The following MRPL22 variants were observed in gnomAD, a reference collection of about 807,000 sequenced individuals.
The protein encoded by MRPL22 is large ribosomal subunit protein uL22m.
MRPL22 carries 27 observed loss-of-function variants against 32.4 expected under a neutral mutation model. The ratio of observed to expected loss-of-function variants is 0.83; its 90% CI spans 0.61 to 1.15. MRPL22 has a LOEUF of 1.15. Ranked by LOEUF, MRPL22 falls within the 50% of genes most tolerant of loss-of-function variation. The pLI is 0.00. For synonymous variants in MRPL22, 86 were observed against 87.3 expected (o/e 0.99, Z 0.08); for missense variants, 239 against 260.2 (o/e 0.92, Z 0.56).
At chr5:154,962,688 A>C (rs780155797) in intron 6 of MRPL22, among the ~76,000 whole-genome samples, 15 of 152,286 alleles carry the variant, frequency 9.8e-5, no homozygotes, top group African/African-American at 1.4e-4. Context: ...TCAAACTTAT[A>C]GTGATGACTA....
Position 154,957,226 on chromosome 5 carries a change from T to G in MRPL22, c.339+14T>G, listed in dbSNP as rs200389599. On this transcript the variant is annotated intron_variant, in intron 5 of 6. Transcript: ENST00000523037. ...ATAATTAAAGAGGTAAACTTACAAG[T>G]TTGGGTGTGGTAGGGAATGGGGAAC... is the stretch of plus-strand genomic sequence containing the variant. The G allele has an allele frequency of 2.6e-5, 42 of 1,605,000 alleles. No homozygotes were observed. The African/African-American group carries it at 5.3e-4, about 20-fold the overall frequency.
intron 5 of MRPL22, 146 bp downstream of exon 5, chr5:154,957,358 C>G: frequency 1.6e-6 from 1 of 614,096 alleles, no homozygotes; most frequent in Non-Finnish European, 2.8e-6. Flanking sequence ...ATTTAGGGTT[C>G]TCAGTTTATT....
intron 3 of MRPL22, among the ~76,000 whole-genome samples, chr5:154,951,447 T>A (rs1246959677): frequency 6.6e-6 from 1 of 152,248 alleles, no homozygotes; most frequent in African/African-American, 2.4e-5. Context: ...AAATAACTTT[T>A]CAACTTTCAT....
chr5:154,968,243 C>T lies in MRPL22; in HGVS notation c.*1346C>T, dbSNP rs545328914. 6.6e-6 allele frequency: 1 copy of T among 152,272 alleles called. No individual in the cohort carries two copies. The highest frequency in any genetic ancestry group is 2.4e-5 in the African/African-American group (1 of 41,534). The allele number at this position is 152,272 out of a possible 1,614,324, so 9.4% of individuals were successfully genotyped here. Reference sequence around the variant, plus strand: ...TATACAGCTGGGTTTTTGTGTCTCTCCAGTTAACCTAATGCATGGGTAAAA... The same window carrying T: ...TATACAGCTGGGTTTTTGTGTCTCTTCAGTTAACCTAATGCATGGGTAAAA... On this transcript the variant is annotated 3_prime_UTR_variant, in exon 7 of 7. Transcript: ENST00000523037.
rs1309841868 is a variant in MRPL22, at chr5:154,966,785, T to C, written c.509T>C (p.Val170Ala). Residue 170 changes from valine (V) to alanine (A), a missense_variant, in exon 7 of 7, where the codon GTG becomes GCG. Physicochemically the swap from Val to Ala is moderately conservative, Grantham distance 64. Coordinates refer to ENST00000523037, the MANE Select transcript of MRPL22 (RefSeq NM_014180.4). ...IMEKVYCHYF[V>A]KLVEGPPPPP... The stretch of plus-strand genomic sequence containing the variant: ...GAGAAGGTTTATTGCCATTATTTTG[T>C]GAAGTTGGTGGAAGGGCCCCCACCT... 6.2e-7 allele frequency: 1 copy of C among 1,614,182 alleles called. No homozygotes were observed. The highest frequency in any genetic ancestry group is 8.5e-7 in the Non-Finnish European group (1 of 1,180,038).
intron 3 of MRPL22, chr5:154,955,735 T>G (rs961042632): frequency 2.0e-5 from 3 of 152,440 alleles, no homozygotes; most frequent in Non-Finnish European, 4.4e-5. Context: ...TAACATTTAC[T>G]GAGAAGTTAC....
Position 154,957,213 on chromosome 5 carries a change from G to A in MRPL22, c.339+1G>A. 6.2e-7 allele frequency: 1 copy of A among 1,611,740 alleles called. No homozygotes were observed. Among genetic ancestry groups the A allele is most frequent in the Non-Finnish European group, 8.5e-7 (1 of 1,177,894 alleles). On this transcript the variant is annotated splice_donor_variant, in intron 5 of 6. Transcript: ENST00000523037. LOFTEE classifies it high-confidence loss of function. ...AAAAGGGGCCAAAATAATTAAAGAG[G>A]TAAACTTACAAGTTTGGGTGTGGTA... is the stretch of plus-strand genomic sequence containing the variant.
intron 6 of MRPL22, among the ~76,000 whole-genome samples, chr5:154,966,347 T>TACACCCCATC (rs1346095239): frequency 6.6e-6 from 1 of 152,224 alleles, no homozygotes; most frequent in Non-Finnish European, 1.5e-5. Context: ...TGAAGTCCCT[T>TACACCCCATC]ACACCCCATC....
intron 2 of MRPL22, among the ~76,000 whole-genome samples, chr5:154,943,583 CACATATATGCACATATAT>C (rs1764448002): frequency 6.6e-6 from 1 of 151,456 alleles, no homozygotes; most frequent in Non-Finnish European, 1.5e-5. Flanking sequence ...TATATATACA[CACATATATGCACATATAT>C]ACATATATAC....
At chr5:154,943,593 CACATATAT>C (rs1394761263) in intron 2 of MRPL22, among the ~76,000 whole-genome samples, 47 of 151,540 alleles carry the variant, frequency 3.1e-4, no homozygotes, top group Admixed American at 2.1e-3. Flanking sequence ...CACATATATG[CACATATAT>C]ACATATATAC....
At chr5:154,953,062 T>C (rs1764584052) in intron 3 of MRPL22, among the ~76,000 whole-genome samples, 2 of 152,164 alleles carry the variant, frequency 1.3e-5, no homozygotes, top group Admixed American at 6.5e-5. Context: ...TGGGGCTTCA[T>C]ATGAAGACAG....
intron 2 of MRPL22, among the ~76,000 whole-genome samples, chr5:154,947,454 G>T (rs1764506819): frequency 6.6e-6 from 1 of 152,310 alleles, no homozygotes; most frequent in African/African-American, 2.4e-5. Flanking sequence ...ATTAGGATAG[G>T]AGATAGTGAA....
At chr5:154,962,847 G>T (rs1484409747) in intron 6 of MRPL22, among the ~76,000 whole-genome samples, 1 of 152,106 alleles carries the variant, frequency 6.6e-6, no homozygotes, top group African/African-American at 2.4e-5. Flanking sequence ...GATGAAGGTG[G>T]GAGCGGAGGG....
At chr5:154,942,489 T>C (rs1764432597) in intron 2 of MRPL22, among the ~76,000 whole-genome samples, 2 of 152,204 alleles carry the variant, frequency 1.3e-5, no homozygotes, top group African/African-American at 4.8e-5. Context: ...GTACTCTTCT[T>C]AGATAATCTT....
Position 154,969,395 on chromosome 5 carries a change from C to CT in MRPL22, c.*2502dup, listed in dbSNP as rs1208121770. The CT allele has an allele frequency of 6.6e-6, 1 of 152,132 alleles. No homozygotes were observed. The highest frequency in any genetic ancestry group is 2.4e-5 in the African/African-American group (1 of 41,374). The allele number at this position is 152,132 out of a possible 1,614,324, so 9.4% of individuals were successfully genotyped here. A position where few individuals can be genotyped will look rare whatever the true frequency, so the allele number is the denominator to read the frequency against. ...GCAGAACTTTGACACAATTAAATGT[C>CT]TTTTCTTTATAAATTACCCAATCTT... On this transcript the variant is annotated 3_prime_UTR_variant, in exon 7 of 7. Transcript: ENST00000523037.
At position 154,966,855 on chromosome 5, in the gene MRPL22, T is replaced by C; in HGVS notation, c.579T>C (p.Tyr193=). ...CGGCAGTTGCCCATGCCAAAGAGTATATTCAGCAGCTTCGCAGCCGGACCA... is the reference window on the plus strand; with the variant it reads ...CGGCAGTTGCCCATGCCAAAGAGTACATTCAGCAGCTTCGCAGCCGGACCA... ...PKTAVAHAKE[Y]IQQLRSRTIV... Residue 193 remains tyrosine (Y), a synonymous_variant, in exon 7 of 7, where the codon TAT becomes TAC. Coordinates refer to ENST00000523037, the MANE Select transcript of MRPL22 (RefSeq NM_014180.4). The C allele has an allele frequency of 6.2e-7, 1 of 1,614,104 alleles. No individual in the cohort carries two copies. The highest frequency in any genetic ancestry group is 8.5e-7 in the Non-Finnish European group (1 of 1,179,992).
At chr5:154,944,199 C>G (rs1028489037) in intron 2 of MRPL22, among the ~76,000 whole-genome samples, 2 of 152,154 alleles carry the variant, frequency 1.3e-5, no homozygotes, top group Non-Finnish European at 2.9e-5. Context: ...CTCAAACGAT[C>G]CGCCCGCTTT....
intron 6 of MRPL22, among the ~76,000 whole-genome samples, chr5:154,963,225 C>A (rs1362648141): frequency 2.0e-5 from 3 of 152,208 alleles, no homozygotes; most frequent in Non-Finnish European, 4.4e-5. Flanking sequence ...AGGCGTGAGC[C>A]ACTGTGCCTG....
rs115393757 is a variant in MRPL22 at position 154,941,260 on chromosome 5, C to T, written c.72C>T (p.Ala24=). The T allele has an allele frequency of 9.0e-3, 14,547 of 1,613,068 alleles. 104 individuals carry two copies. Among genetic ancestry groups the T allele is most frequent in the Non-Finnish European group, 0.011 (12,779 of 1,180,024 alleles). ...IHNLRSRGKL[A]LGVLPQSYIH... ...ACCTGAGGAGCCGGGGGAAGCTGGC[C>T]TTGGGGTGAGTCTCTCGCTTCGGAG... The change falls in exon 2 of 7, where the codon GCC becomes GCT. Residue 24 remains alanine (A), a synonymous_variant. Transcript: ENST00000523037.
Sources: allele counts gnomAD v4.1 joint callset (sites outside exome capture counted in the v4.1 genomes callset), GRCh38; gene constraint gnomAD v4.1.1; transcripts MANE v1.5; gene names NCBI Gene and HGNC (gene_info 2026-07-23, HGNC 2026-07-21).